Variants in AKAP13 observed in about 807,000 individuals in gnomAD.
The protein encoded by AKAP13 is A-kinase anchoring protein 13, also known as A-kinase anchor protein 13.
Under a neutral mutation model 264.5 loss-of-function variants are expected in AKAP13, and 80 were observed. The observed-to-expected ratio is 0.30, with a 90% CI of 0.25 to 0.36. The LOEUF is 0.36. Among genes scored for constraint, AKAP13 ranks in the 10% least tolerant of loss-of-function variants. The pLI, the probability that AKAP13 is intolerant of heterozygous loss-of-function variation, is 1.00. For synonymous variants in AKAP13, 1,380 were observed against 1,250.2 expected, an observed-to-expected ratio of 1.10 and a Z score of -2.19; for missense variants, 3,712 against 3,435.2, an observed-to-expected ratio of 1.08 and a Z score of -2.01.
chr15:85,517,445 T>C (rs2076648363), intron 2 of AKAP13, among the ~76,000 whole-genome samples: 1 of 152,046 alleles, frequency 6.6e-6, no homozygotes, highest in Non-Finnish European at 1.5e-5. Context: ...CAGCAAGATG[T>C]TGGGTCTTAT....
intron 4 of AKAP13, 147 bp downstream of exon 4, chr15:85,534,027 A>G: frequency 6.0e-6 from 5 of 834,660 alleles, no homozygotes; most frequent in African/African-American, 3.4e-5. Flanking sequence ...AAGTGGCCTC[A>G]ATGGCATCTC....
chr15:85,583,576 G>T (rs1191199569), intron 7 of AKAP13, among the ~76,000 whole-genome samples: 2 of 152,206 alleles, frequency 1.3e-5, no homozygotes, highest in African/African-American at 4.8e-5. Flanking sequence ...CATTTCAGAA[G>T]AATGGGAGTG....
chr15:85,432,093 CA>C lies in AKAP13; in HGVS notation c.-12+51296del, dbSNP rs2073047687. On this transcript the variant is annotated intron_variant, in intron 1 of 36. Coordinates refer to ENST00000394518, the MANE Select transcript of AKAP13 (RefSeq NM_007200.5). Reference sequence around the variant, plus strand: ...GAATGTTACATACCAGATTAGTTCTCATTTCTTTTTTTTTAGAAGAATACGT... The same window carrying C: ...GAATGTTACATACCAGATTAGTTCTCTTTCTTTTTTTTTAGAAGAATACGT... Among the ~76,000 whole-genome samples the C allele has an allele frequency of 2.7e-5, 4 of 148,026 alleles. No individual in the cohort carries two copies. In the South Asian group the frequency reaches 8.5e-4, roughly 31 times the overall value.
intron 19 of AKAP13, among the ~76,000 whole-genome samples, chr15:85,711,449 A>T (rs969035975): frequency 6.6e-5 from 10 of 152,146 alleles, no homozygotes. Flanking sequence ...TTTGAAAAAA[A>T]TGTATTATTT....
At chr15:85,638,018 G>C (rs1228978072) in intron 8 of AKAP13, among the ~76,000 whole-genome samples, 1 of 150,362 alleles carries the variant, frequency 6.7e-6, no homozygotes, top group Non-Finnish European at 1.5e-5. Flanking sequence ...AGCTGCGACT[G>C]CAGGCGCCTG....
intron 8 of AKAP13, among the ~76,000 whole-genome samples, chr15:85,608,672 A>T (rs1596698251): frequency 6.6e-6 from 1 of 152,312 alleles, no homozygotes; most frequent in East Asian, 1.9e-4. Flanking sequence ...TAGGCGAGAG[A>T]GGGAATTCCA....
rs1030101512 is a variant in AKAP13, at chr15:85,661,041, G to C, written c.4799+2451G>C. Among the ~76,000 whole-genome samples the C allele has an allele frequency of 5.3e-5, 8 of 152,250 alleles. No individual in the cohort carries two copies. In the East Asian group the frequency reaches 1.5e-3, roughly 29 times the overall value. On this transcript the variant is annotated intron_variant, in intron 12 of 36. Transcript: ENST00000394518. ...GGAGGGAGCCGAGTGGTTTTATTGA[G>C]CCGAGTGTTTTTATTGTCCACAAGC...
chr15:85,432,496 A>G (rs981502972), intron 1 of AKAP13, among the ~76,000 whole-genome samples: 4 of 152,138 alleles, frequency 2.6e-5, no homozygotes, highest in Admixed American at 6.5e-5. Flanking sequence ...CTTACTGGTG[A>G]TAAAGATTAC....
intron 1 of AKAP13, among the ~76,000 whole-genome samples, chr15:85,410,053 T>C (rs1310058417): frequency 6.6e-6 from 1 of 151,768 alleles, no homozygotes; most frequent in East Asian, 1.9e-4. Flanking sequence ...AGGAGTATGA[T>C]ATAATTTTAT....
intron 2 of AKAP13, among the ~76,000 whole-genome samples, chr15:85,503,738 G>C (rs538033156): frequency 6.6e-6 from 1 of 152,306 alleles, no homozygotes; most frequent in Non-Finnish European, 1.5e-5. Flanking sequence ...ACTTAGAAAA[G>C]AAAGGCATTG....
chr15:85,403,764 C>G (rs1022771869), intron 1 of AKAP13, among the ~76,000 whole-genome samples: 1 of 151,448 alleles, frequency 6.6e-6, no homozygotes, highest in Non-Finnish European at 1.5e-5. Context: ...TCGCTTGAAC[C>G]CGGGAGGTGG....
intron 1 of AKAP13, among the ~76,000 whole-genome samples, chr15:85,432,125 A>C (rs1490358819): frequency 1.4e-4 from 22 of 152,036 alleles, no homozygotes; most frequent in African/African-American, 2.4e-5. Flanking sequence ...TACGTATTTT[A>C]GTCTAAGAAC....
chr15:85,442,519 T>TTA (rs1491579158), intron 1 of AKAP13, among the ~76,000 whole-genome samples: 31 of 109,336 alleles, frequency 2.8e-4, no homozygotes, highest in African/African-American at 8.6e-4. Context: ...ATAATATATA[T>TTA]TATATTATAT....
Position 85,386,631 on chromosome 15 carries a change from T to C in AKAP13, c.-12+5833T>C, listed in dbSNP as rs1382375695. Among the ~76,000 whole-genome samples, 8 of 152,324 alleles carry C rather than the reference T, an allele frequency of 5.3e-5. No individual in the cohort carries two copies. The South Asian group carries it at 1.4e-3, about 28-fold the overall frequency. ...ATTTAAAATTTTATATTTACATTTA[T>C]TATCTGCTTTGATTTAATTTTCCTA... On this transcript the variant is annotated intron_variant, in intron 1 of 36. Transcript: ENST00000394518.
intron 26 of AKAP13, 168 bp from the exon 27 acceptor site, chr15:85,726,242 G>T: frequency 1.9e-6 from 1 of 515,908 alleles, no homozygotes. Flanking sequence ...TCTGAATCCT[G>T]GAGAACTGTA....
chr15:85,684,496 C>G, intron 15 of AKAP13: 1 of 343,794 alleles, frequency 2.9e-6, no homozygotes, highest in Non-Finnish European at 5.3e-6. Context: ...CTCAGGAGTT[C>G]AAGGCTGCAG....
intron 4 of AKAP13, among the ~76,000 whole-genome samples, chr15:85,537,448 C>T (rs1284545778): frequency 2.0e-5 from 3 of 152,164 alleles, no homozygotes; most frequent in Non-Finnish European, 2.9e-5. Context: ...ATGGCTAATC[C>T]TCCTACTGTT....
intron 8 of AKAP13, among the ~76,000 whole-genome samples, chr15:85,631,552 A>ACT (rs1567165511): frequency 6.2e-5 from 9 of 145,188 alleles, no homozygotes; most frequent in South Asian, 2.2e-4. Flanking sequence ...ACACACACAC[A>ACT]CTAAATGCAA....
intron 17 of AKAP13, among the ~76,000 whole-genome samples, chr15:85,706,805 A>T (rs1241414428): frequency 6.6e-6 from 1 of 152,164 alleles, no homozygotes; most frequent in Admixed American, 6.5e-5. Context: ...AGAGAGTCTC[A>T]ATACACTGTG....
Sources: gnomAD v4.1 joint callset for allele counts (sites outside exome capture counted in the v4.1 genomes callset) on GRCh38, gnomAD v4.1.1 for gene constraint, MANE v1.5 for transcripts, NCBI Gene and HGNC (gene_info 2026-07-23, HGNC 2026-07-21) for gene names.